The following CCDC181 variants were observed in gnomAD, a reference collection of about 807,000 sequenced individuals.
The protein encoded by CCDC181 is coiled-coil domain-containing protein 181.
Under a neutral mutation model 58.7 loss-of-function variants are expected in CCDC181, and 35 were observed. The ratio of observed to expected loss-of-function variants is 0.60; its 90% CI spans 0.46 to 0.79. The LOEUF (loss-of-function observed/expected upper bound fraction) is 0.79. Ranked by LOEUF, CCDC181 falls within the 30% of genes least tolerant of loss-of-function variation. The pLI is 0.00. For synonymous variants in CCDC181, 183 were observed against 197.5 expected, an observed-to-expected ratio of 0.93 and a Z score of 0.62; for missense variants, 517 against 583.9, an observed-to-expected ratio of 0.89 and a Z score of 1.18.
intron 1 of CCDC181, chr1:169,460,229 C>T (rs1398954853): frequency 4.8e-4 from 73 of 152,170 alleles, no homozygotes; most frequent in Admixed American, 4.8e-3. Context: ...CGTCACAGAC[C>T]GCAGCCAACG....
At chr1:169,457,595 C>A (rs538965380) in intron 2 of CCDC181, among the ~76,000 whole-genome samples, 1 of 152,046 alleles carries the variant, frequency 6.6e-6, no homozygotes, top group Admixed American at 6.6e-5. Context: ...CTTAAAGATG[C>A]GGTTTCTAAG....
At chr1:169,452,643 C>G (rs1657573763) in intron 2 of CCDC181, 1 of 151,974 alleles carries the variant, frequency 6.6e-6, no homozygotes, top group South Asian at 2.1e-4. Flanking sequence ...AAAAAATTTC[C>G]AAAAGTAAAA....
rs866773154 is a variant in CCDC181, at chr1:169,438,193, A to G, written c.-23-13243T>C. On this transcript the variant is annotated intron_variant, in intron 2 of 6. Transcript: ENST00000545005. ...TTTGCTACAGCCTAAGACTAGCCTCACAAATCCTTTTTTTTTTAAATATAT... is the reference window on the plus strand; with the variant it reads ...TTTGCTACAGCCTAAGACTAGCCTCGCAAATCCTTTTTTTTTTAAATATAT... 6.4e-5 allele frequency among the ~76,000 whole-genome samples: 7 copies of G among 109,900 alleles called. No homozygotes were observed. In the Middle Eastern group the frequency reaches 0.027, roughly 421 times the overall value. 72.1% of individuals were successfully genotyped at this position (109,900 alleles called of 152,430 possible).
intron 2 of CCDC181, among the ~76,000 whole-genome samples, chr1:169,451,969 A>G (rs1365791313): frequency 2.0e-5 from 3 of 152,110 alleles, no homozygotes; most frequent in Non-Finnish European, 4.4e-5. Flanking sequence ...TAAATATGGA[A>G]CTAGGTAGTT....
chr1:169,412,200 C>T (rs1020155254), intron 4 of CCDC181, among the ~76,000 whole-genome samples: 15 of 152,122 alleles, frequency 9.9e-5, no homozygotes, highest in Non-Finnish European at 1.8e-4. Context: ...ACAAAATCAA[C>T]GTGCAAAAAT....
rs376573030 is a variant in CCDC181 at position 169,438,719 on chromosome 1, A to G, written c.-23-13769T>C. 1.8e-4 allele frequency among the ~76,000 whole-genome samples: 28 copies of G among 152,260 alleles called. No individual in the cohort carries two copies. The East Asian group carries it at 4.4e-3, about 24-fold the overall frequency. Reference sequence around the variant, plus strand: ...GTAATTCACATTGGGATCTCTGGTCAAGGTGAAGAGCGAATAGCCACCCTG... The same window carrying G: ...GTAATTCACATTGGGATCTCTGGTCGAGGTGAAGAGCGAATAGCCACCCTG... On this transcript the variant is annotated intron_variant, in intron 2 of 6. Coordinates refer to the CCDC181 transcript ENST00000545005.
chr1:169,443,060 A>C (rs1657279873), intron 2 of CCDC181: 1 of 151,684 alleles, frequency 6.6e-6, no homozygotes, highest in Non-Finnish European at 1.5e-5. Context: ...ATTATAATGA[A>C]AATATGCCTA....
chr1:169,447,795 G>A (rs1238775709), intron 2 of CCDC181, among the ~76,000 whole-genome samples: 2 of 151,980 alleles, frequency 1.3e-5, no homozygotes. Context: ...ATTTTGTATT[G>A]TCTGAAATCA....
intron 4 of CCDC181, among the ~76,000 whole-genome samples, chr1:169,405,773 G>A (rs1292773308): frequency 3.3e-5 from 5 of 152,018 alleles, no homozygotes; most frequent in Non-Finnish European, 1.5e-5. Context: ...TAAAACAAAA[G>A]CAATGGCAAC....
intron 2 of CCDC181, chr1:169,452,862 T>G (rs1474310910): frequency 1.3e-5 from 2 of 152,124 alleles, no homozygotes; most frequent in South Asian, 2.1e-4. Context: ...AATTAAAAAT[T>G]ATTTTCCTTT....
At chr1:169,453,271 A>T (rs1657595828) in intron 2 of CCDC181, among the ~76,000 whole-genome samples, 1 of 152,112 alleles carries the variant, frequency 6.6e-6, no homozygotes, top group African/African-American at 2.4e-5. Flanking sequence ...CCATAATTTG[A>T]TTAATATTAA....
At chr1:169,411,835 A>G (rs534979303) in intron 4 of CCDC181, among the ~76,000 whole-genome samples, 2 of 152,338 alleles carry the variant, frequency 1.3e-5, no homozygotes, top group African/African-American at 4.8e-5. Flanking sequence ...ACAGCACTTC[A>G]TGCTAAAAAC....
upstream of CCDC181, among the ~76,000 whole-genome samples, chr1:169,431,303 A>G (rs937245371): frequency 6.6e-6 from 1 of 152,202 alleles, no homozygotes; most frequent in Non-Finnish European, 1.5e-5. Flanking sequence ...CTCTTTACCA[A>G]TGTGGATGCC....
chr1:169,399,735 T>C (rs74121664), intron 4 of CCDC181, among the ~76,000 whole-genome samples: 3,326 of 152,320 alleles, frequency 0.022, 130 homozygotes, highest in African/African-American at 0.076. Flanking sequence ...TCTGCCCTAA[T>C]TAGCTATAAA....
At chr1:169,451,377 G>A (rs1003262997) in intron 2 of CCDC181, 1 of 152,060 alleles carries the variant, frequency 6.6e-6, no homozygotes, top group African/African-American at 2.4e-5. Context: ...ACCATTGTAA[G>A]CCACAAAGAT....
upstream of CCDC181, among the ~76,000 whole-genome samples, chr1:169,430,915 CA>C (rs1656903586): frequency 6.6e-6 from 1 of 152,092 alleles, no homozygotes; most frequent in South Asian, 2.1e-4. Context: ...GGAAAGCAAC[CA>C]ATCAGAGGTT....
intron 4 of CCDC181, among the ~76,000 whole-genome samples, chr1:169,418,071 A>C (rs2102081916): frequency 6.6e-6 from 1 of 152,310 alleles, no homozygotes; most frequent in Middle Eastern, 3.4e-3. Flanking sequence ...AGGAACTATA[A>C]ATTCATATTA....
chr1:169,434,463 T>TG (rs1657002028), intron 2 of CCDC181, among the ~76,000 whole-genome samples: 1 of 151,972 alleles, frequency 6.6e-6, no homozygotes, highest in Non-Finnish European at 1.5e-5. Context: ...AGCAGGATCT[T>TG]GAAAAAAATA....
chr1:169,412,560 T>G (rs182414799), intron 4 of CCDC181, among the ~76,000 whole-genome samples: 3 of 152,302 alleles, frequency 2.0e-5, no homozygotes, highest in Admixed American at 2.0e-4. Context: ...AGAGCCTGCA[T>G]AGCCAAGATA....
Sources: gnomAD v4.1 joint callset for allele counts (sites outside exome capture counted in the v4.1 genomes callset) on GRCh38, gnomAD v4.1.1 for gene constraint, MANE v1.5 for transcripts, NCBI Gene and HGNC (gene_info 2026-07-23, HGNC 2026-07-21) for gene names.